Variants in DNAJC1 observed in about 807,000 individuals in gnomAD.
DNAJC1 encodes the protein dnaJ homolog subfamily C member 1.
In DNAJC1, 58 loss-of-function variants were observed where a neutral mutation model predicts 76.6. That is an observed-to-expected ratio of 0.76 (90% CI 0.61 to 0.94). The LOEUF (loss-of-function observed/expected upper bound fraction) is 0.94. Among genes scored for constraint, DNAJC1 ranks in the 40% least tolerant of loss-of-function variants. The pLI, the probability that DNAJC1 is intolerant of heterozygous loss-of-function variation, is 0.00. For synonymous variants in DNAJC1, 258 were observed against 267.9 expected, an observed-to-expected ratio of 0.96 and a Z score of 0.36; for missense variants, 689 against 677.3, an observed-to-expected ratio of 1.02 and a Z score of -0.19.
intron 8 of DNAJC1, among the ~76,000 whole-genome samples, chr10:21,829,594 C>T (rs555022788): frequency 6.6e-6 from 1 of 152,314 alleles, no homozygotes; most frequent in East Asian, 1.9e-4. Context: ...TCAGGTGATC[C>T]ACCTGCCTCG....
intron 8 of DNAJC1, among the ~76,000 whole-genome samples, chr10:21,875,196 G>C (rs1357555611): frequency 6.6e-6 from 1 of 151,660 alleles, no homozygotes; most frequent in African/African-American, 2.4e-5. Flanking sequence ...AGTTTTTTTT[G>C]AGACAGTGGA....
At chr10:21,990,648 G>A (rs558499382) in intron 1 of DNAJC1, among the ~76,000 whole-genome samples, 1 of 152,264 alleles carries the variant, frequency 6.6e-6, no homozygotes, top group Non-Finnish European at 1.5e-5. Flanking sequence ...TCTGCTGGGA[G>A]TGCTACAGAA....
chr10:21,965,658 T>C (rs1012420339), intron 1 of DNAJC1, among the ~76,000 whole-genome samples: 5 of 152,136 alleles, frequency 3.3e-5, no homozygotes, highest in Admixed American at 6.5e-5. Context: ...GATAATAATA[T>C]CAATTTTGCA....
At chr10:21,812,241 T>C (rs1012002249) in intron 8 of DNAJC1, among the ~76,000 whole-genome samples, 4 of 151,998 alleles carry the variant, frequency 2.6e-5, no homozygotes, top group Non-Finnish European at 5.9e-5. Flanking sequence ...GTATTTTTGG[T>C]AGAGACGGGG....
At chr10:22,003,073 C>T in intron 1 of DNAJC1, 140 bp downstream of exon 1, 1 of 1,306,970 alleles carries the variant, frequency 7.7e-7, no homozygotes, top group Admixed American at 4.1e-5. Context: ...GGCTGAGGAC[C>T]CCGGTGACCC....
chr10:21,828,217 G>T (rs932416133), intron 8 of DNAJC1, among the ~76,000 whole-genome samples: 2 of 152,152 alleles, frequency 1.3e-5, no homozygotes, highest in African/African-American at 2.4e-5. Context: ...GATCTAGGCT[G>T]GGGTCTGCTA....
At chr10:21,765,309 C>A (rs886161453) in intron 10 of DNAJC1, among the ~76,000 whole-genome samples, 4 of 152,054 alleles carry the variant, frequency 2.6e-5, no homozygotes, top group Admixed American at 2.6e-4. Context: ...CTCAAGTGAT[C>A]CTCCCGCCTC....
rs766163735 is a variant in DNAJC1, at chr10:21,882,292, T to C, written c.968A>G (p.Gln323Arg). Residue 323 changes from glutamine to arginine, a missense_variant, in exon 8 of 12, where the codon CAG becomes CGG. By Grantham distance (43) the Gln-to-Arg change is conservative. Transcript: ENST00000376980. ...DDWLENRNRT[Q>R]KKQAPEWTEE... ...ATAAAGCTTATTTACCTGTTTTTTC[T>C]GTGTTCGGTTCCTGTTTTCCAACCA... The C allele has an allele frequency of 5.3e-5, 85 of 1,589,784 alleles. No individual in the cohort carries two copies. Among genetic ancestry groups the C allele is most frequent in the Non-Finnish European group, 6.9e-5 (81 of 1,174,244 alleles).
intron 10 of DNAJC1, among the ~76,000 whole-genome samples, chr10:21,765,432 G>C (rs528373734): frequency 6.6e-6 from 1 of 152,096 alleles, no homozygotes; most frequent in African/African-American, 2.4e-5. Flanking sequence ...ACTCTCCCTG[G>C]GACCTGTATT....
At position 21,908,981 on chromosome 10, in the gene DNAJC1, G is replaced by T. The variant is rs554895750; in HGVS notation, c.730-4369C>A. On this transcript the variant is annotated intron_variant, in intron 6 of 11. Transcript: ENST00000376980. ...GCTCACTGCAACCTCCGCCTCCCGG[G>T]TTTAAGCAATTATCCCTGCCTCAGC... is the stretch of plus-strand genomic sequence containing the variant. Among the ~76,000 whole-genome samples the T allele has an allele frequency of 5.9e-5, 9 of 152,094 alleles. No individual in the cohort carries two copies. In the East Asian group the frequency reaches 1.5e-3, roughly 26 times the overall value.
intron 3 of DNAJC1, among the ~76,000 whole-genome samples, chr10:21,927,069 G>C (rs973167967): frequency 4.6e-5 from 7 of 151,986 alleles, no homozygotes; most frequent in African/African-American, 1.7e-4. Flanking sequence ...ACAAAACTAG[G>C]GCTCACAGAG....
Position 21,882,370 on chromosome 10 carries a change from T to C in DNAJC1, c.890A>G (p.Gln297Arg), listed in dbSNP as rs749673398. The C allele has an allele frequency of 6.3e-7, 1 of 1,597,840 alleles. No individual in the cohort carries two copies. Among genetic ancestry groups the C allele is most frequent in the Non-Finnish European group, 8.5e-7 (1 of 1,174,232 alleles). ...VYTPLETTYI[Q>R]SYDHGTSIEE... is the part of the protein sequence containing the mutation. ...TATGGAAGTTCCATGATCATAAGAC[T>C]GAATATATGTAGTTTCTAAAGGTGT... is the stretch of plus-strand genomic sequence containing the variant. The change falls in exon 8 of 12, where the codon CAG (glutamine) becomes CGG (arginine). Residue 297 changes from glutamine (Q) to arginine (R), a missense_variant. Transcript: ENST00000376980.
intron 6 of DNAJC1, among the ~76,000 whole-genome samples, chr10:21,904,878 T>C (rs1836717330): frequency 6.6e-6 from 1 of 152,136 alleles, no homozygotes; most frequent in South Asian, 2.1e-4. Flanking sequence ...CCTGTTTTCT[T>C]CCATTGTATG....
At chr10:21,802,285 T>C (rs1248385560) in intron 9 of DNAJC1, among the ~76,000 whole-genome samples, 1 of 152,144 alleles carries the variant, frequency 6.6e-6, no homozygotes, top group Non-Finnish European at 1.5e-5. Context: ...TTATCATGTT[T>C]ATAATTTTGT....
At chr10:21,840,692 G>A (rs2131678877) in intron 8 of DNAJC1, among the ~76,000 whole-genome samples, 1 of 152,266 alleles carries the variant, frequency 6.6e-6, no homozygotes, top group South Asian at 2.1e-4. Flanking sequence ...GTAATTTATA[G>A]ATTCAGTGCC....
At chr10:21,813,288 T>C (rs1480685406) in intron 8 of DNAJC1, among the ~76,000 whole-genome samples, 1 of 147,978 alleles carries the variant, frequency 6.8e-6, no homozygotes, top group East Asian at 2.0e-4. Context: ...TACTTGTCTC[T>C]AGGGGAAGCC....
intron 8 of DNAJC1, among the ~76,000 whole-genome samples, chr10:21,838,127 C>T (rs1214811641): frequency 6.6e-6 from 1 of 152,058 alleles, no homozygotes; most frequent in African/African-American, 2.4e-5. Context: ...GGAGGTGTAC[C>T]CAACAGCTCA....
At chr10:21,846,682 A>G (rs1415368850) in intron 8 of DNAJC1, among the ~76,000 whole-genome samples, 1 of 152,130 alleles carries the variant, frequency 6.6e-6, no homozygotes, top group Non-Finnish European at 1.5e-5. Context: ...CAGAAAATTT[A>G]AAAGCCAGCC....
Position 21,929,160 on chromosome 10 carries a change from G to A in DNAJC1, c.223-19C>T, listed in dbSNP as rs755305413. 20 of 1,555,798 alleles carry A rather than the reference G, an allele frequency of 1.3e-5. No individual in the cohort carries two copies. In the Admixed American group the frequency reaches 1.6e-4, roughly 12 times the overall value. On this transcript the variant is annotated intron_variant, in intron 1 of 11. Transcript: ENST00000376980. ...ATGCATCCTGGAGGTGGTAGGGGGA[G>A]GGGAAAATACAAAGCAAACTTTGTC...
Sources: gnomAD v4.1 joint callset for allele counts (sites outside exome capture counted in the v4.1 genomes callset) on GRCh38, gnomAD v4.1.1 for gene constraint, MANE v1.5 for transcripts, NCBI Gene and HGNC (gene_info 2026-07-23, HGNC 2026-07-21) for gene names.